Variants in HCFC2 observed in about 807,000 individuals in gnomAD.
HCFC2 encodes host cell factor C2, also known as host cell factor 2.
Under a neutral mutation model 89.2 loss-of-function variants are expected in HCFC2, and 18 were observed. The observed-to-expected ratio is 0.20, with a 90% CI of 0.14 to 0.30. The LOEUF is 0.30. HCFC2 is among the 10% of genes least tolerant of loss of function. HCFC2 has a pLI of 1.00. For synonymous variants in HCFC2, 308 were observed against 335.7 expected (o/e 0.92, Z 0.90); for missense variants, 578 against 956.1 (o/e 0.60, Z 5.21).
At chr12:104,087,410 CGTGTGTGTGT>C (rs10548495) in intron 8 of HCFC2, among the ~76,000 whole-genome samples, 50,056 of 133,006 alleles carry the variant, frequency 0.38, 10,737 homozygotes, top group Non-Finnish European at 0.49. Flanking sequence ...TACTGCAGTA[CGTGTGTGTGT>C]GTGTGTGTGT....
At chr12:104,097,094 T>TA in intron 12 of HCFC2, among the ~76,000 whole-genome samples, 1 of 152,246 alleles carries the variant, frequency 6.6e-6, no homozygotes, top group Middle Eastern at 3.4e-3. Flanking sequence ...CTTAGATAAA[T>TA]ACAAGGATAA....
chr12:104,096,266 A>C, intron 11 of HCFC2, 94 bp from the exon 12 acceptor site: 1 of 789,058 alleles, frequency 1.3e-6, no homozygotes, highest in Non-Finnish European at 1.9e-6. Context: ...TTTTAAGTTT[A>C]CAGTTGGTGG....
chr12:104,087,022 A>G lies in HCFC2; in HGVS notation c.1231+8A>G. ...CAGCACCAAATATGCAAGGTAACAT[A>G]ATTTTCATGCTTAAAGTATGTGTGC... On this transcript the variant is annotated splice_region_variant and intron_variant, in intron 8 of 14. Coordinates refer to ENST00000229330, the MANE Select transcript of HCFC2 (RefSeq NM_013320.3). The G allele has an allele frequency of 6.2e-7, 1 of 1,612,862 alleles. No homozygotes were observed. Among genetic ancestry groups the G allele is most frequent in the Non-Finnish European group, 8.5e-7 (1 of 1,179,164 alleles).
At chr12:104,102,280 T>G (rs2136631342) in intron 14 of HCFC2, 127 bp downstream of exon 14, 1 of 805,036 alleles carries the variant, frequency 1.2e-6, no homozygotes, top group South Asian at 2.1e-5. Flanking sequence ...AAGGATGGAT[T>G]TAAAGTTTAA....
intron 3 of HCFC2, among the ~76,000 whole-genome samples, chr12:104,077,399 C>G (rs1159815435): frequency 1.3e-5 from 2 of 151,708 alleles, no homozygotes; most frequent in East Asian, 3.9e-4. Context: ...CCCACCACCA[C>G]GCCCAGCTAA....
At chr12:104,087,437 G>A (rs369479864) in intron 8 of HCFC2, among the ~76,000 whole-genome samples, 2,077 of 100,674 alleles carry the variant, frequency 0.021, 25 homozygotes, top group South Asian at 0.042. Flanking sequence ...GTGTGTGTGT[G>A]TGTGTATGTG....
At chr12:104,094,933 A>C (rs1438827656) in intron 10 of HCFC2, among the ~76,000 whole-genome samples, 3 of 152,188 alleles carry the variant, frequency 2.0e-5, no homozygotes, top group Non-Finnish European at 4.4e-5. Context: ...CAGATTTTTT[A>C]GGAGAGAGGT....
At chr12:104,084,727 A>C (rs1344225506) in intron 7 of HCFC2, among the ~76,000 whole-genome samples, 1 of 152,198 alleles carries the variant, frequency 6.6e-6, no homozygotes, top group African/African-American at 2.4e-5. Flanking sequence ...GACAAGTTAG[A>C]AATCTCTTGC....
chr12:104,088,269 G>C (rs530576777), intron 9 of HCFC2, among the ~76,000 whole-genome samples: 3 of 152,264 alleles, frequency 2.0e-5, no homozygotes, highest in African/African-American at 7.2e-5. Flanking sequence ...TTTGAAGAAA[G>C]CTTCACAGAT....
Position 104,105,456 on chromosome 12 carries a change from G to A in HCFC2, c.*2183G>A, listed in dbSNP as rs1282879703. The A allele has an allele frequency of 6.6e-6, 1 of 152,020 alleles. No individual in the cohort carries two copies. Among genetic ancestry groups the A allele is most frequent in the Non-Finnish European group, 1.5e-5 (1 of 67,908 alleles). The allele number at this position is 152,020 out of a possible 1,614,324, so 9.4% of individuals were successfully genotyped here. A position where few individuals can be genotyped will look rare whatever the true frequency, so the allele number is the denominator to read the frequency against. The stretch of plus-strand genomic sequence containing the variant: ...AAGCCTCCACTCTTCTGGATCAGGA[G>A]GTGATTCTGAACCTGTGGTTCTAAC... On this transcript the variant is annotated 3_prime_UTR_variant, in exon 15 of 15. Coordinates refer to ENST00000229330, the MANE Select transcript of HCFC2 (RefSeq NM_013320.3).
chr12:104,080,142 A>G (rs534248529), intron 4 of HCFC2, among the ~76,000 whole-genome samples: 3 of 152,272 alleles, frequency 2.0e-5, no homozygotes, highest in Admixed American at 6.5e-5. Flanking sequence ...TCTTCTGTCC[A>G]GTGTACTCTT....
At chr12:104,101,885 G>T in intron 13 of HCFC2, 83 bp from the exon 14 acceptor site, 2 of 863,874 alleles carry the variant, frequency 2.3e-6, no homozygotes, top group Non-Finnish European at 1.6e-6. Flanking sequence ...AAGTTTTTTT[G>T]TTTAATAAAA....
chr12:104,085,547 G>A (rs1883809949), intron 7 of HCFC2, among the ~76,000 whole-genome samples: 1 of 152,020 alleles, frequency 6.6e-6, no homozygotes, highest in Non-Finnish European at 1.5e-5. Context: ...GGATTTGAAT[G>A]GCCTGTTTTT....
intron 3 of HCFC2, among the ~76,000 whole-genome samples, chr12:104,075,282 A>G (rs2136601319): frequency 6.6e-6 from 1 of 152,028 alleles, no homozygotes; most frequent in South Asian, 2.1e-4. Context: ...CCATTTTTAT[A>G]TCTCATTTCT....
intron 7 of HCFC2, among the ~76,000 whole-genome samples, chr12:104,086,371 T>A (rs1883843516): frequency 6.6e-6 from 1 of 152,158 alleles, no homozygotes; most frequent in Admixed American, 6.5e-5. Flanking sequence ...TGCTAAAATG[T>A]ACGCTGTTGG....
chr12:104,077,320 G>A (rs1432823671), intron 3 of HCFC2, among the ~76,000 whole-genome samples: 1 of 151,228 alleles, frequency 6.6e-6, no homozygotes, highest in Admixed American at 6.6e-5. Context: ...TCGGCTCACC[G>A]CAACCTCCAC....
In HCFC2 at chr12:104,093,450, A is replaced by G. The variant is rs1470462185; in HGVS notation, c.1349A>G (p.Asn450Ser). 4 of 1,613,540 alleles carry G rather than the reference A, an allele frequency of 2.5e-6. No homozygotes were observed. The African/African-American group carries it at 5.3e-5, about 22-fold the overall frequency. The stretch of plus-strand genomic sequence containing the variant: ...GCCACAAAAGAAACTTCAATGAAAA[A>G]CAAACCAGACTTTAAAGCACTGACG... ...QPATKETSMK[N>S]KPDFKALTDS... The change falls in exon 10 of 15, where the codon AAC (asparagine) becomes AGC (serine). Residue 450 changes from asparagine to serine, a missense_variant. Physicochemically the swap from Asn to Ser is conservative, Grantham distance 46. Coordinates refer to ENST00000229330, the MANE Select transcript of HCFC2 (RefSeq NM_013320.3).
rs776069021 is a variant in HCFC2 at position 104,068,119 on chromosome 12, C to G, written c.473+12C>G. The G allele has an allele frequency of 1.4e-5, 22 of 1,551,874 alleles. No individual in the cohort carries two copies. The highest frequency in any genetic ancestry group is 1.7e-5 in the Non-Finnish European group (20 of 1,155,300). ...AATAATGTTCCCAGGTATGCTGACTCTTTCAGACCAAATGCTTATTTTATG... is the reference window on the plus strand; with the variant it reads ...AATAATGTTCCCAGGTATGCTGACTGTTTCAGACCAAATGCTTATTTTATG... On this transcript the variant is annotated intron_variant, in intron 3 of 14. Coordinates refer to ENST00000229330, the MANE Select transcript of HCFC2 (RefSeq NM_013320.3). This position sits in a 1 kb window ranked among gnomAD's most constrained non-coding sequence, Gnocchi z 4.1.
chr12:104,072,525 CT>C (rs1224014150), intron 3 of HCFC2, among the ~76,000 whole-genome samples: 9 of 151,968 alleles, frequency 5.9e-5, no homozygotes, highest in African/African-American at 2.2e-4. Flanking sequence ...TTATTTAAAT[CT>C]TTTAAATTTT....
Sources: allele counts gnomAD v4.1 joint callset (sites outside exome capture counted in the v4.1 genomes callset), GRCh38; gene constraint gnomAD v4.1.1; non-coding constraint Gnocchi (gnomAD v3.1); transcripts MANE v1.5; gene names NCBI Gene and HGNC (gene_info 2026-07-23, HGNC 2026-07-21).